Variants in TNNI3K observed in about 807,000 individuals in gnomAD.
The protein encoded by TNNI3K is TNNI3 interacting kinase, also known as serine/threonine-protein kinase TNNI3K.
TNNI3K carries 140 observed loss-of-function variants against 114.5 expected under a neutral mutation model. The observed-to-expected ratio is 1.22, with a 90% confidence interval of 1.07 to 1.41. The LOEUF is 1.41. Among genes scored for constraint, TNNI3K ranks in the 40% most tolerant of loss-of-function variants. The pLI is 0.00. For synonymous variants in TNNI3K, 347 were observed against 347.5 expected (o/e 1.00, Z 0.02); for missense variants, 1,125 against 1,007.6 (o/e 1.12, Z -1.58).
chr1:74,454,868 T>G (rs1370641547), intron 20 of TNNI3K, among the ~76,000 whole-genome samples: 1 of 152,154 alleles, frequency 6.6e-6, no homozygotes, highest in Non-Finnish European at 1.5e-5. Flanking sequence ...TTTCTTTGCA[T>G]CCTCACAAGC....
At position 74,296,799 on chromosome 1, in the gene TNNI3K, T is replaced by C. The variant is rs182739610; in HGVS notation, c.444+25091T>C. ...GTGTCAAGCAACCAATCATCAATTT[T>C]ACTGTTGCTTATTTGATAGTATTGT... On this transcript the variant is annotated intron_variant, in intron 5 of 24. Transcript: ENST00000326637. 1.4e-4 allele frequency among the ~76,000 whole-genome samples: 21 copies of C among 152,338 alleles called. No individual in the cohort carries two copies. The East Asian group carries it at 3.3e-3, about 24-fold the overall frequency.
In TNNI3K at chr1:74,529,046, G is replaced by C. The variant is rs953770200; in HGVS notation, c.2352-11188G>C. Among the ~76,000 whole-genome samples the C allele has an allele frequency of 3.3e-5, 5 of 152,184 alleles. No individual in the cohort carries two copies. The East Asian group carries it at 7.7e-4, about 24-fold the overall frequency. On this transcript the variant is annotated intron_variant, in intron 23 of 24. Transcript: ENST00000326637. ...TTTGAGTATAAAATAAATGATGACAGTGACATCAATAATATTGTAACTATA... is the reference window on the plus strand; with the variant it reads ...TTTGAGTATAAAATAAATGATGACACTGACATCAATAATATTGTAACTATA...
intron 4 of TNNI3K, among the ~76,000 whole-genome samples, chr1:74,252,335 A>C (rs1654979103): frequency 6.6e-6 from 1 of 152,240 alleles, no homozygotes. Flanking sequence ...GCAAGTTTAA[A>C]TGAAAATTTA....
intron 4 of TNNI3K, among the ~76,000 whole-genome samples, chr1:74,254,215 A>T (rs1655136404): frequency 6.6e-6 from 1 of 152,116 alleles, no homozygotes; most frequent in Non-Finnish European, 1.5e-5. Context: ...CCCTGTTGCC[A>T]CTTCAGTCTT....
chr1:74,529,654 T>C (rs541622106), intron 23 of TNNI3K, among the ~76,000 whole-genome samples: 2 of 152,330 alleles, frequency 1.3e-5, no homozygotes, highest in South Asian at 2.1e-4. Flanking sequence ...TACACTAAAG[T>C]ATTTGGGAGA....
intron 23 of TNNI3K, among the ~76,000 whole-genome samples, chr1:74,533,765 A>T (rs1646624048): frequency 6.6e-6 from 1 of 152,134 alleles, no homozygotes; most frequent in African/African-American, 2.4e-5. Context: ...CTTTGTAGGG[A>T]CATGGATGAA....
intron 20 of TNNI3K, among the ~76,000 whole-genome samples, chr1:74,446,553 C>G (rs1176078672): frequency 6.7e-6 from 1 of 148,286 alleles, no homozygotes; most frequent in African/African-American, 2.6e-5. Flanking sequence ...AATTAGATCC[C>G]ATTTGTCAAT....
chr1:74,481,588 C>T (rs1396361991), intron 21 of TNNI3K, among the ~76,000 whole-genome samples: 2 of 152,206 alleles, frequency 1.3e-5, no homozygotes, highest in Non-Finnish European at 2.9e-5. Context: ...TCATTATAGT[C>T]TGGGCCATCT....
At position 74,250,654 on chromosome 1, in the gene TNNI3K, T is replaced by C. The variant is rs201012396; in HGVS notation, c.236-18T>C. On this transcript the variant is annotated intron_variant, in intron 3 of 24. Transcript: ENST00000326637. The stretch of plus-strand genomic sequence containing the variant: ...CATCCCCACAATGATTTAGCCTTTT[T>C]TCATTTTTCTCTTTAAGGCAAGAAA... 4.1e-5 allele frequency: 66 copies of C among 1,606,740 alleles called. No individual in the cohort carries two copies. In the Middle Eastern group the frequency reaches 5.0e-4, roughly 12 times the overall value.
intron 17 of TNNI3K, among the ~76,000 whole-genome samples, chr1:74,431,363 C>T (rs1665889030): frequency 6.6e-6 from 1 of 151,966 alleles, no homozygotes; most frequent in African/African-American, 2.4e-5. Flanking sequence ...TAAATTCTTA[C>T]ATTCACTATA....
Position 74,544,192 on chromosome 1 carries a change from G to A in TNNI3K, c.*210G>A, listed in dbSNP as rs981834055. The A allele has an allele frequency of 9.2e-5, 45 of 488,018 alleles. No homozygotes were observed. Among genetic ancestry groups the A allele is most frequent in the African/African-American group, 8.1e-4 (40 of 49,134 alleles). 30.2% of individuals were successfully genotyped at this position (488,018 alleles called of 1,614,324 possible). ...ATATGCAAAAGAACCAAGACAGAAT[G>A]TATATGAAGAATTGTTTTTAATTTT... On this transcript the variant is annotated 3_prime_UTR_variant, in exon 25 of 25. Coordinates refer to ENST00000326637, the MANE Select transcript of TNNI3K (RefSeq NM_015978.3).
At chr1:74,340,250 C>T (rs1299803478) in intron 7 of TNNI3K, among the ~76,000 whole-genome samples, 1 of 152,108 alleles carries the variant, frequency 6.6e-6, no homozygotes, top group Admixed American at 6.6e-5. Context: ...TACCTACTCT[C>T]TTCAAAACAG....
intron 22 of TNNI3K, among the ~76,000 whole-genome samples, chr1:74,491,695 G>A (rs765024360): frequency 2.0e-5 from 3 of 152,244 alleles, no homozygotes; most frequent in Non-Finnish European, 4.4e-5. Flanking sequence ...TTTACATGAA[G>A]GGAATAATTT....
intron 23 of TNNI3K, among the ~76,000 whole-genome samples, chr1:74,496,676 T>C (rs1484885260): frequency 6.6e-6 from 1 of 152,198 alleles, no homozygotes; most frequent in East Asian, 1.9e-4. Flanking sequence ...TCTCCACAGA[T>C]AATAGGAATT....
chr1:74,416,556 T>G, intron 17 of TNNI3K: 2 of 985,360 alleles, frequency 2.0e-6, no homozygotes, highest in Non-Finnish European at 2.4e-6. Flanking sequence ...ATTATAACTT[T>G]GCATTCCCCT....
At chr1:74,508,653 GAA>G (rs1436374943) in intron 23 of TNNI3K, among the ~76,000 whole-genome samples, 1 of 152,164 alleles carries the variant, frequency 6.6e-6, no homozygotes, top group Admixed American at 6.5e-5. Flanking sequence ...CACAAACTGA[GAA>G]AACCAACAGC....
chr1:74,294,840 G>A (rs1657885573), intron 5 of TNNI3K, among the ~76,000 whole-genome samples: 1 of 151,660 alleles, frequency 6.6e-6, no homozygotes, highest in African/African-American at 2.4e-5. Flanking sequence ...AAAACCTTTT[G>A]TGCTTTTGTT....
At chr1:74,530,537 C>A (rs1403576865) in intron 23 of TNNI3K, among the ~76,000 whole-genome samples, 2 of 152,028 alleles carry the variant, frequency 1.3e-5, no homozygotes, top group Non-Finnish European at 2.9e-5. Context: ...TAAAAATCAT[C>A]AAATAGAACT....
intron 5 of TNNI3K, among the ~76,000 whole-genome samples, chr1:74,281,174 A>C (rs1570412659): frequency 6.6e-6 from 1 of 152,294 alleles, no homozygotes; most frequent in South Asian, 2.1e-4. Context: ...CATGAGTGGT[A>C]GCCAAGAAAT....
Sources: gnomAD v4.1 joint callset for allele counts (sites outside exome capture counted in the v4.1 genomes callset) on GRCh38, gnomAD v4.1.1 for gene constraint, MANE v1.5 for transcripts, NCBI Gene and HGNC (gene_info 2026-07-23, HGNC 2026-07-21) for gene names.